Variants in PCSK5 observed in about 807,000 individuals in gnomAD.
PCSK5 encodes prohormone convertase 5.
A neutral mutation model predicts 233.2 loss-of-function variants in PCSK5; 129 were observed. That is an observed-to-expected ratio of 0.55 (90% CI 0.48 to 0.64). PCSK5 has a LOEUF of 0.64. PCSK5 is among the 30% of genes least tolerant of loss of function. The probability of loss-of-function intolerance (pLI) is 0.00; values close to 1 mark genes in which losing one functional copy is unlikely to be tolerated. For synonymous variants in PCSK5, 825 were observed against 879.2 expected, an observed-to-expected ratio of 0.94 and a Z score of 1.09; for missense variants, 2,076 against 2,430.1, an observed-to-expected ratio of 0.85 and a Z score of 3.06.
At chr9:76,356,661 G>A (rs1184811341) in intron 37 of PCSK5, among the ~76,000 whole-genome samples, 1 of 152,160 alleles carries the variant, frequency 6.6e-6, no homozygotes, top group Non-Finnish European at 1.5e-5. Flanking sequence ...AACTCGGCTT[G>A]ATAGGTAAAA....
At chr9:75,998,980 TTTTC>T (rs1827144600) in intron 3 of PCSK5, among the ~76,000 whole-genome samples, 1 of 152,210 alleles carries the variant, frequency 6.6e-6, no homozygotes, top group Non-Finnish European at 1.5e-5. Flanking sequence ...TCTAAAAATT[TTTTC>T]TTTGTCATTT....
intron 3 of PCSK5, among the ~76,000 whole-genome samples, chr9:76,022,896 A>G (rs751839817): frequency 4.6e-5 from 7 of 152,182 alleles, no homozygotes; most frequent in Non-Finnish European, 1.0e-4. Context: ...TTATGGTACA[A>G]TAGCCATTGT....
At chr9:76,079,604 A>C (rs1830763402) in intron 7 of PCSK5, among the ~76,000 whole-genome samples, 1 of 152,220 alleles carries the variant, frequency 6.6e-6, no homozygotes. Flanking sequence ...GAATCGTATC[A>C]TCAGCAAGGA....
intron 8 of PCSK5, among the ~76,000 whole-genome samples, chr9:76,102,109 G>T (rs1198974090): frequency 6.6e-6 from 1 of 152,184 alleles, no homozygotes; most frequent in Non-Finnish European, 1.5e-5. Context: ...ATACGGACTT[G>T]CTGACTTGGG....
At chr9:76,267,074 C>T (rs1827356007) in intron 24 of PCSK5, among the ~76,000 whole-genome samples, 2 of 152,168 alleles carry the variant, frequency 1.3e-5, no homozygotes, top group African/African-American at 4.8e-5. Context: ...CCCTGGAGGG[C>T]TGTGAAATGC....
chr9:75,932,271 C>A (rs529092554), intron 1 of PCSK5, 108 bp from the exon 2 acceptor site: 5 of 678,324 alleles, frequency 7.4e-6, no homozygotes, highest in Non-Finnish European at 1.0e-5. Flanking sequence ...AATTTATGGA[C>A]CTTTTTTGTT....
chr9:76,298,363 C>T (rs1306107985), intron 27 of PCSK5, among the ~76,000 whole-genome samples: 1 of 152,048 alleles, frequency 6.6e-6, no homozygotes, highest in South Asian at 2.1e-4. Flanking sequence ...GGATTTTTCA[C>T]TAATAGGGGA....
intron 2 of PCSK5, among the ~76,000 whole-genome samples, chr9:75,933,634 T>C (rs966975823): frequency 6.6e-6 from 1 of 152,238 alleles, no homozygotes; most frequent in African/African-American, 2.4e-5. Flanking sequence ...TGTTCATGAT[T>C]ATGAAATTGT....
chr9:76,164,978 C>T (rs1442302741), intron 12 of PCSK5, among the ~76,000 whole-genome samples: 2 of 151,514 alleles, frequency 1.3e-5, no homozygotes, highest in African/African-American at 2.4e-5. Flanking sequence ...TATTACAGAC[C>T]TCTAGAACCA....
chr9:75,899,531 C>T (rs905627508), intron 1 of PCSK5, among the ~76,000 whole-genome samples: 1 of 152,124 alleles, frequency 6.6e-6, no homozygotes, highest in Admixed American at 6.6e-5. Flanking sequence ...CCTACATCTC[C>T]CTCCTCCCTC....
intron 3 of PCSK5, among the ~76,000 whole-genome samples, chr9:76,005,983 T>G (rs1047096564): frequency 6.6e-6 from 1 of 151,590 alleles, no homozygotes; most frequent in Non-Finnish European, 1.5e-5. Flanking sequence ...TGACTGAGAC[T>G]ACAGCCTCCC....
intron 7 of PCSK5, among the ~76,000 whole-genome samples, chr9:76,093,667 T>G (rs190246054): frequency 3.9e-4 from 60 of 152,240 alleles, no homozygotes; most frequent in East Asian, 2.3e-3. Flanking sequence ...GATGGTGCTG[T>G]TTAAATCAGG....
At chr9:75,935,363 G>A (rs930118035) in intron 2 of PCSK5, among the ~76,000 whole-genome samples, 4 of 152,136 alleles carry the variant, frequency 2.6e-5, no homozygotes, top group South Asian at 2.1e-4. Flanking sequence ...CACTGAGCCC[G>A]GCCGATATTC....
At chr9:75,910,269 G>C (rs1822667258) in intron 1 of PCSK5, among the ~76,000 whole-genome samples, 1 of 152,146 alleles carries the variant, frequency 6.6e-6, no homozygotes, top group Non-Finnish European at 1.5e-5. Flanking sequence ...AGAACCCCGT[G>C]ATGTAATAGG....
intron 20 of PCSK5, among the ~76,000 whole-genome samples, chr9:76,208,531 A>T (rs1325731316): frequency 6.6e-6 from 1 of 152,142 alleles, no homozygotes; most frequent in Non-Finnish European, 1.5e-5. Flanking sequence ...TTTCTTCCTC[A>T]TTGAGACCTT....
At chr9:76,085,588 G>C (rs1434287048) in intron 7 of PCSK5, among the ~76,000 whole-genome samples, 1 of 152,172 alleles carries the variant, frequency 6.6e-6, no homozygotes, top group Non-Finnish European at 1.5e-5. Flanking sequence ...ATGCGAGCCT[G>C]ATAACAGCTG....
chr9:76,015,687 C>A (rs1468151978), intron 3 of PCSK5, among the ~76,000 whole-genome samples: 11 of 152,150 alleles, frequency 7.2e-5, no homozygotes, highest in Admixed American at 6.5e-4. Context: ...TACTGGACAA[C>A]TTTAGGTGTT....
At chr9:76,255,344 G>A (rs540319233) in intron 24 of PCSK5, among the ~76,000 whole-genome samples, 4 of 152,212 alleles carry the variant, frequency 2.6e-5, no homozygotes, top group South Asian at 2.1e-4. Flanking sequence ...TGTGCAACCA[G>A]AGTTGAAAGC....
chr9:76,320,781 G>A (rs1231097739), intron 30 of PCSK5, among the ~76,000 whole-genome samples: 4 of 148,988 alleles, frequency 2.7e-5, no homozygotes, highest in Non-Finnish European at 4.5e-5. Flanking sequence ...ACCCATTGTA[G>A]CTTTTTAAAA....
Sources: allele counts gnomAD v4.1 joint callset (sites outside exome capture counted in the v4.1 genomes callset), GRCh38; gene constraint gnomAD v4.1.1; transcripts MANE v1.5; gene names NCBI Gene and HGNC (gene_info 2026-07-23, HGNC 2026-07-21).